The following ANKLE2 variants were observed in gnomAD, a reference collection of about 807,000 sequenced individuals.
ANKLE2 encodes ankyrin repeat and LEM domain-containing protein 2.
In ANKLE2, 55 loss-of-function variants were observed where a neutral mutation model predicts 84.2. The ratio of observed to expected loss-of-function variants is 0.65; its 90% CI spans 0.53 to 0.82. ANKLE2 has a LOEUF of 0.82. Ranked by LOEUF, ANKLE2 falls within the 40% of genes least tolerant of loss-of-function variation. ANKLE2 has a pLI of 0.00. For missense variants in ANKLE2, 1,238 were observed against 1,201.9 expected (o/e 1.03, Z -0.44); for synonymous variants, 551 against 486.1 (o/e 1.13, Z -1.76).
chr12:132,752,063 G>A (rs189981352), intron 2 of ANKLE2, among the ~76,000 whole-genome samples: 6 of 152,202 alleles, frequency 3.9e-5, no homozygotes, highest in South Asian at 2.1e-4. Context: ...GCCATAGTTC[G>A]GGCACGGTGG....
chr12:132,758,934 AGTGG>A (rs2044543030), intron 1 of ANKLE2: 1 of 128,494 alleles, frequency 7.8e-6, no homozygotes, highest in Non-Finnish European at 1.6e-5. Flanking sequence ...CACGTGGCAG[AGTGG>A]ATCACGCAGT....
intron 2 of ANKLE2, among the ~76,000 whole-genome samples, chr12:132,753,264 G>T (rs1430433960): frequency 6.6e-6 from 1 of 152,062 alleles, no homozygotes; most frequent in African/African-American, 2.4e-5. Context: ...ACATTGCAGT[G>T]AGTTGTTGAG....
At chr12:132,737,329 A>C in intron 7 of ANKLE2, 1 of 391,030 alleles carries the variant, frequency 2.6e-6, no homozygotes, top group Non-Finnish European at 4.6e-6. Flanking sequence ...AAGAAAAGAA[A>C]AGGAAGCCCC....
intron 1 of ANKLE2, 94 bp downstream of exon 1, chr12:132,761,524 C>T (rs1222104129): frequency 2.8e-6 from 3 of 1,066,382 alleles, no homozygotes; most frequent in Non-Finnish European, 3.5e-6. Flanking sequence ...CTGCTGCCGG[C>T]TCCAGGGGCG....
chr12:132,729,623 GAGGGGGGAGGGAAGGTGGGGA>G, intron 11 of ANKLE2, 35 bp downstream of exon 11: 3 of 508,562 alleles, frequency 5.9e-6, no homozygotes, highest in Non-Finnish European at 6.6e-6. Context: ...AGGGGAGGGG[GAGGGGGGAGGGAAGGTGGGGA>G]AGGAAAGTGA....
At position 132,730,264 on chromosome 12, in the gene ANKLE2, T is replaced by A. The variant is rs368378205; in HGVS notation, c.1898A>T (p.Asn633Ile). The A allele has an allele frequency of 1.9e-6, 3 of 1,556,678 alleles. No individual in the cohort carries two copies. Among genetic ancestry groups the A allele is most frequent in the Non-Finnish European group, 2.6e-6 (3 of 1,149,872 alleles). ...CRDKATTSGS[N>I]SISVRAFLDE... ...TAGAAACGCCCTCACGGAAATGGAA[T>A]TGCTGCCTGTGAGGACAACAAGGAG... is the stretch of plus-strand genomic sequence containing the variant. The change falls in exon 11 of 13, where the codon AAT (asparagine) becomes ATT (isoleucine). Residue 633 changes from asparagine to isoleucine, a missense_variant. Asn to Ile is a moderately radical substitution (Grantham distance 149). Transcript: ENST00000357997.
chr12:132,748,087 G>T, intron 4 of ANKLE2, 51 bp downstream of exon 4: 1 of 1,605,692 alleles, frequency 6.2e-7, no homozygotes. Flanking sequence ...CGAGTGCTGC[G>T]ATGGAACGGC....
chr12:132,741,391 C>G, intron 7 of ANKLE2, 28 bp downstream of exon 7: 1 of 1,611,274 alleles, frequency 6.2e-7, no homozygotes. Flanking sequence ...GTGGACCCCA[C>G]GATCCAGGCA....
At position 132,746,338 on chromosome 12, in the gene ANKLE2, G is replaced by C. The variant is rs530620238; in HGVS notation, c.1230+1494C>G. 1.6e-4 allele frequency among the ~76,000 whole-genome samples: 17 copies of C among 103,612 alleles called. No individual in the cohort carries two copies. In the South Asian group the frequency reaches 4.6e-3, roughly 28 times the overall value. 68.0% of individuals were successfully genotyped at this position (103,612 alleles called of 152,430 possible). ...CACTCCCACCTGGGAGACAGAGCAAGACTCTGTCTCAAAAAAAAAAAAAAA... is the reference window on the plus strand; with the variant it reads ...CACTCCCACCTGGGAGACAGAGCAACACTCTGTCTCAAAAAAAAAAAAAAA... On this transcript the variant is annotated intron_variant, in intron 5 of 12. Coordinates refer to ENST00000357997, the MANE Select transcript of ANKLE2 (RefSeq NM_015114.3).
At chr12:132,755,855 T>C (rs2044470377) in intron 1 of ANKLE2, 1 of 151,672 alleles carries the variant, frequency 6.6e-6, no homozygotes, top group Non-Finnish European at 1.5e-5. Flanking sequence ...GCCTTTTTTC[T>C]TTTTGAGACG....
At chr12:132,754,418 G>C (rs1393467510) in intron 2 of ANKLE2, among the ~76,000 whole-genome samples, 1 of 152,178 alleles carries the variant, frequency 6.6e-6, no homozygotes, top group Non-Finnish European at 1.5e-5. Context: ...GCAGCAGCCA[G>C]TTAATATTAA....
intron 5 of ANKLE2, 113 bp downstream of exon 5, chr12:132,747,719 T>A: frequency 7.4e-7 from 1 of 1,346,582 alleles, no homozygotes; most frequent in Non-Finnish European, 1.0e-6. Context: ...AATTGATGTA[T>A]CTTTTCCCCA....
Position 132,743,404 on chromosome 12 carries a change from A to G in ANKLE2, c.1231-128T>C. The G allele has an allele frequency of 8.0e-7, 1 of 1,243,672 alleles. No individual in the cohort carries two copies. 77.0% of individuals were successfully genotyped at this position (1,243,672 alleles called of 1,614,324 possible). On this transcript the variant is annotated intron_variant, in intron 5 of 12. Coordinates refer to ENST00000357997, the MANE Select transcript of ANKLE2 (RefSeq NM_015114.3). The surrounding 1 kb of genome is among the most constrained non-coding windows in gnomAD (Gnocchi z 4.1). ...TTTGAGACGGAGTCTCACTGGCGTG[A>G]TCTTGGCTCACTGCAACCTCTGCCT...
intron 1 of ANKLE2, chr12:132,757,341 G>A (rs1284153651): frequency 6.6e-6 from 1 of 152,280 alleles, no homozygotes; most frequent in Admixed American, 6.5e-5. Flanking sequence ...TAAAGGGCGA[G>A]AGAGTAAGCA....
At chr12:132,740,670 C>T (rs763074754) in intron 7 of ANKLE2, among the ~76,000 whole-genome samples, 1 of 151,980 alleles carries the variant, frequency 6.6e-6, no homozygotes, top group Non-Finnish European at 1.5e-5. Context: ...TGTCATCTTC[C>T]AAAATTCACT....
intron 2 of ANKLE2, among the ~76,000 whole-genome samples, chr12:132,752,749 G>A (rs373196005): frequency 5.3e-5 from 8 of 152,234 alleles, no homozygotes; most frequent in South Asian, 2.1e-4. Context: ...ACTCATAGGC[G>A]TCACCACAAA....
rs369412606 is a variant in ANKLE2 at position 132,728,024 on chromosome 12, C to T, written c.2615+8G>A. On this transcript the variant is annotated splice_region_variant and intron_variant, in intron 12 of 12. Coordinates refer to ENST00000357997, the MANE Select transcript of ANKLE2 (RefSeq NM_015114.3). ...CTGCGGGTGACAGGCTGTCCGGGCC[C>T]CACATACCTCTGTCTGTCCGAGGGT... 1 of 1,595,336 alleles carries T rather than the reference C, an allele frequency of 6.3e-7. No individual in the cohort carries two copies.
At chr12:132,755,659 CA>C (rs1179709188) in intron 1 of ANKLE2, 3 of 150,672 alleles carry the variant, frequency 2.0e-5, no homozygotes, top group Non-Finnish European at 4.4e-5. Context: ...CTCCTGAGTT[CA>C]AGTGATTCTC....
chr12:132,727,053 TCTAA>T lies in ANKLE2; in HGVS notation c.*185_*188del. ...GTAACTGAGTTTGCTTTCATTAACT[TCTAA>T]CTTCTTCCAAAATATCAGAAATCTA... On this transcript the variant is annotated 3_prime_UTR_variant, in exon 13 of 13. Transcript: ENST00000357997. The T allele has an allele frequency of 1.5e-6, 1 of 656,074 alleles. No individual in the cohort carries two copies. The highest frequency in any genetic ancestry group is 2.3e-6 in the Non-Finnish European group (1 of 431,596). 40.6% of individuals were successfully genotyped at this position (656,074 alleles called of 1,614,324 possible).
Sources: gnomAD v4.1 joint callset for allele counts (sites outside exome capture counted in the v4.1 genomes callset) on GRCh38, gnomAD v4.1.1 for gene constraint, Gnocchi (gnomAD v3.1) non-coding constraint, MANE v1.5 for transcripts, NCBI Gene and HGNC (gene_info 2026-07-23, HGNC 2026-07-21) for gene names.